The following DRC8 variants were observed in gnomAD, a reference collection of about 807,000 sequenced individuals.
The protein encoded by DRC8 is dynein regulatory complex protein 8.
chr1:245,112,901 C>G, the DRC8 span, among the ~76,000 whole-genome samples: 1 of 152,028 alleles, frequency 6.6e-6, no homozygotes, highest in African/African-American at 2.4e-5. Flanking sequence ...TTACAGGTGT[C>G]TGCCACCACG....
the DRC8 span, among the ~76,000 whole-genome samples, chr1:244,971,577 A>G: frequency 6.6e-6 from 1 of 152,240 alleles, no homozygotes; most frequent in East Asian, 1.9e-4. Flanking sequence ...ATGAAACAGT[A>G]AAGGTAAACA....
chr1:245,051,003 A>G, the DRC8 span, among the ~76,000 whole-genome samples: 58 of 152,192 alleles, frequency 3.8e-4, no homozygotes, highest in African/African-American at 1.3e-3. Context: ...AGTAGCTGGG[A>G]CTACAGGCAT....
the DRC8 span, among the ~76,000 whole-genome samples, chr1:245,071,908 C>T: frequency 2.0e-5 from 3 of 152,176 alleles, no homozygotes; most frequent in Non-Finnish European, 4.4e-5. Context: ...ACTGATGCCA[C>T]CACACACCTA....
At chr1:245,026,487 A>C in the DRC8 span, among the ~76,000 whole-genome samples, 1 of 152,340 alleles carries the variant, frequency 6.6e-6, no homozygotes, top group East Asian at 1.9e-4. Context: ...GAGAGATTGC[A>C]TGGACAGTTC....
the DRC8 span, chr1:244,970,584 C>T: frequency 9.2e-7 from 1 of 1,087,552 alleles, no homozygotes; most frequent in Non-Finnish European, 1.2e-6. Flanking sequence ...GAGGGGGCCA[C>T]CCGGCAGCAG....
the DRC8 span, among the ~76,000 whole-genome samples, chr1:245,115,625 T>C: frequency 9.9e-5 from 15 of 152,190 alleles, no homozygotes; most frequent in Non-Finnish European, 2.1e-4. Flanking sequence ...CACACCAAAC[T>C]ATGTAGCAGG....
chr1:245,025,856 G>A, the DRC8 span, among the ~76,000 whole-genome samples: 1 of 152,160 alleles, frequency 6.6e-6, no homozygotes, highest in African/African-American at 2.4e-5. Flanking sequence ...CCTGCAGACG[G>A]TCTCTTTCCT....
chr1:245,006,615 G>A, the DRC8 span, among the ~76,000 whole-genome samples: 364 of 152,198 alleles, frequency 2.4e-3, no homozygotes, highest in African/African-American at 8.4e-3. Flanking sequence ...GGAAATGGAA[G>A]GGAAAGAACA....
At chr1:245,072,706 A>G in the DRC8 span, among the ~76,000 whole-genome samples, 1 of 152,188 alleles carries the variant, frequency 6.6e-6, no homozygotes. Flanking sequence ...GGTGTCAGAG[A>G]TGGGACCTGG....
chr1:245,014,638 G>T, the DRC8 span, among the ~76,000 whole-genome samples: 1 of 151,702 alleles, frequency 6.6e-6, no homozygotes, highest in Admixed American at 6.6e-5. Context: ...GTACTAACAG[G>T]TGGGATGGGG....
the DRC8 span, among the ~76,000 whole-genome samples, chr1:245,096,850 TGTG>T: frequency 6.6e-6 from 1 of 152,164 alleles, no homozygotes; most frequent in Non-Finnish European, 1.5e-5. Context: ...GTATAGGATA[TGTG>T]ACCTGGGGAA....
the DRC8 span, among the ~76,000 whole-genome samples, chr1:245,100,911 A>G: frequency 6.6e-6 from 1 of 151,872 alleles, no homozygotes; most frequent in Non-Finnish European, 1.5e-5. Context: ...TTGAGATGGA[A>G]TTTTGCTCTG....
At chr1:244,996,660 G>A in the DRC8 span, among the ~76,000 whole-genome samples, 25 of 152,292 alleles carry the variant, frequency 1.6e-4, 1 homozygote, top group Admixed American at 6.5e-5. Context: ...CGACAGATTC[G>A]AATCTAGCCT....
the DRC8 span, among the ~76,000 whole-genome samples, chr1:245,008,312 G>T: frequency 0.22 from 33,754 of 152,022 alleles, 4,103 homozygotes; most frequent in African/African-American, 0.32. Flanking sequence ...AAAAAATTTT[G>T]TTATGTATTT....
chr1:245,071,984 A>G, the DRC8 span, among the ~76,000 whole-genome samples: 1 of 152,192 alleles, frequency 6.6e-6, no homozygotes. Flanking sequence ...AGCAGCAGGA[A>G]CTCTCCTTCA....
At chr1:245,102,771 T>C in the DRC8 span, among the ~76,000 whole-genome samples, 1 of 152,242 alleles carries the variant, frequency 6.6e-6, no homozygotes, top group Admixed American at 6.5e-5. Context: ...CGAAAAGTGA[T>C]AAAATGTGGT....
chr1:245,096,257 A>C, the DRC8 span, among the ~76,000 whole-genome samples: 3 of 152,264 alleles, frequency 2.0e-5, no homozygotes, highest in Non-Finnish European at 4.4e-5. Context: ...TGCACAGTAG[A>C]CTTAGCAGGA....
chr1:244,973,042 T>C, the DRC8 span, among the ~76,000 whole-genome samples: 2 of 152,190 alleles, frequency 1.3e-5, no homozygotes, highest in East Asian at 3.8e-4. Flanking sequence ...TACTGTATTT[T>C]GAATTTTCAG....
the DRC8 span, among the ~76,000 whole-genome samples, chr1:245,016,353 C>T: frequency 6.6e-6 from 1 of 152,176 alleles, no homozygotes; most frequent in Non-Finnish European, 1.5e-5. Context: ...ACTTACTGTT[C>T]TCTCTGCCTG....
Sources: gnomAD v4.1 joint callset for allele counts (sites outside exome capture counted in the v4.1 genomes callset) on GRCh38, gnomAD v4.1.1 for gene constraint, MANE v1.5 for transcripts, NCBI Gene and HGNC (gene_info 2026-07-23, HGNC 2026-07-21) for gene names.